The following FGF12 variants were observed in gnomAD, a reference collection of about 807,000 sequenced individuals.
The protein encoded by FGF12 is fibroblast growth factor 12.
In FGF12, 14 loss-of-function variants were observed where a neutral mutation model predicts 23.6. That is an observed-to-expected ratio of 0.59 (90% confidence interval 0.39 to 0.93). The LOEUF (loss-of-function observed/expected upper bound fraction) is 0.93, where lower values mean the gene tolerates loss of function less well. Ranked by LOEUF, FGF12 falls within the 40% of genes least tolerant of loss-of-function variation. FGF12 has a pLI of 0.00. For missense variants in FGF12, 175 were observed against 217.8 expected, an observed-to-expected ratio of 0.80 and a Z score of 1.24; for synonymous variants, 62 against 77.3, an observed-to-expected ratio of 0.80 and a Z score of 1.04.
chr3:192,332,431 A>G (rs1405866816), intron 4 of FGF12, among the ~76,000 whole-genome samples: 1 of 152,122 alleles, frequency 6.6e-6, no homozygotes, highest in Admixed American at 6.6e-5. Context: ...GAAATTTAAA[A>G]AAATACAAAC....
At chr3:192,420,874 T>A (rs1483955707) in intron 2 of FGF12, among the ~76,000 whole-genome samples, 1 of 152,190 alleles carries the variant, frequency 6.6e-6, no homozygotes, top group Non-Finnish European at 1.5e-5. Context: ...GCTCATCATA[T>A]AGTATCTTTG....
chr3:192,569,779 G>C (rs1016684881), intron 2 of FGF12, among the ~76,000 whole-genome samples: 1 of 152,166 alleles, frequency 6.6e-6, no homozygotes, highest in Non-Finnish European at 1.5e-5. Flanking sequence ...ATTGAGAAAC[G>C]CATGTGCCAT....
intron 4 of FGF12, among the ~76,000 whole-genome samples, chr3:192,234,311 G>C (rs530398264): frequency 5.9e-4 from 90 of 152,130 alleles, no homozygotes; most frequent in Non-Finnish European, 9.4e-4. Flanking sequence ...TCCTTTTGTG[G>C]CTATTGTGAA....
intron 2 of FGF12, chr3:192,673,263 C>T (rs1000470657): frequency 6.6e-6 from 1 of 150,898 alleles, no homozygotes; most frequent in Non-Finnish European, 1.5e-5. Flanking sequence ...ACAAAGAGGC[C>T]TGTGGTGCTG....
intron 2 of FGF12, among the ~76,000 whole-genome samples, chr3:192,627,124 C>A (rs187391659): frequency 6.6e-6 from 1 of 152,164 alleles, no homozygotes; most frequent in African/African-American, 2.4e-5. Context: ...TATTCCTTTG[C>A]ACAGATAACA....
At chr3:192,325,423 T>C (rs1452467131) in intron 4 of FGF12, among the ~76,000 whole-genome samples, 2 of 152,188 alleles carry the variant, frequency 1.3e-5, no homozygotes, top group Admixed American at 6.5e-5. Context: ...CTTTGACTTT[T>C]CTCTATTTAG....
rs376676878 is a variant in FGF12 at position 192,322,752 on chromosome 3, G to A, written c.228+12609C>T. Among the ~76,000 whole-genome samples, 40 of 152,210 alleles carry A rather than the reference G, an allele frequency of 2.6e-4. No homozygotes were observed. The East Asian group carries it at 6.0e-3, about 23-fold the overall frequency. On this transcript the variant is annotated intron_variant, in intron 4 of 5. Transcript: ENST00000445105. Reference sequence around the variant, plus strand: ...TTTCCAAGAACATACATTGGGGAAAGGAGTCTCTTTGATAAATGGTGCTTG... The same window carrying A: ...TTTCCAAGAACATACATTGGGGAAAAGAGTCTCTTTGATAAATGGTGCTTG...
intron 5 of FGF12, among the ~76,000 whole-genome samples, chr3:192,148,623 A>G (rs1713857934): frequency 2.0e-5 from 3 of 152,178 alleles, no homozygotes. Flanking sequence ...ATATTTTACC[A>G]CAATTAAAAA....
At chr3:192,340,860 GA>G (rs1262240503) in intron 3 of FGF12, among the ~76,000 whole-genome samples, 2 of 151,802 alleles carry the variant, frequency 1.3e-5, no homozygotes, top group Admixed American at 6.6e-5. Flanking sequence ...AAACCCATAG[GA>G]AAAAAACATA....
At chr3:192,187,348 A>G (rs966086866) in intron 4 of FGF12, among the ~76,000 whole-genome samples, 11 of 152,184 alleles carry the variant, frequency 7.2e-5, no homozygotes, top group African/African-American at 2.7e-4. Flanking sequence ...GTAAAACCAT[A>G]AGCATATTTT....
rs114788548 is a variant in FGF12, at chr3:192,247,319, A to G, written c.229-76663T>C. ...CACTGAAGAGTTGTTTCGTCACTGTAGAGTATCAAATTGGTGAGTAATTTT... is the reference window on the plus strand; with the variant it reads ...CACTGAAGAGTTGTTTCGTCACTGTGGAGTATCAAATTGGTGAGTAATTTT... On this transcript the variant is annotated intron_variant, in intron 4 of 5. Coordinates refer to ENST00000445105, the MANE Select transcript of FGF12 (RefSeq NM_004113.6). Among the ~76,000 whole-genome samples the G allele has an allele frequency of 8.8e-4, 134 of 152,302 alleles. 2 individuals are homozygous for G. The highest frequency in any genetic ancestry group is 3.1e-3 in the African/African-American group (129 of 41,576).
At chr3:192,485,102 A>T (rs1723597012) in intron 2 of FGF12, among the ~76,000 whole-genome samples, 1 of 152,088 alleles carries the variant, frequency 6.6e-6, no homozygotes, top group East Asian at 1.9e-4. Flanking sequence ...ATATGTATAC[A>T]CATAAACATC....
rs925401769 is a variant in FGF12 at position 192,336,460 on chromosome 3, C to T, written c.125-996G>A. Reference sequence around the variant, plus strand: ...GTTACTTTTGAGATCACGAAATGAGCATAAACAGAAAACACTGCCCCCACC... The same window carrying T: ...GTTACTTTTGAGATCACGAAATGAGTATAAACAGAAAACACTGCCCCCACC... On this transcript the variant is annotated intron_variant, in intron 3 of 5. Transcript: ENST00000445105. The surrounding 1 kb of genome is among the most constrained non-coding windows in gnomAD (Gnocchi z 4.3). 1.8e-4 allele frequency among the ~76,000 whole-genome samples: 28 copies of T among 152,048 alleles called. No individual in the cohort carries two copies. Among genetic ancestry groups the T allele is most frequent in the African/African-American group, 6.3e-4 (26 of 41,410 alleles).
intron 4 of FGF12, among the ~76,000 whole-genome samples, chr3:192,246,223 T>C (rs1040568814): frequency 2.6e-5 from 4 of 152,094 alleles, no homozygotes; most frequent in Admixed American, 2.6e-4. Context: ...TGATTACATA[T>C]TTAGTATGAG....
chr3:192,205,137 A>G (rs369956278), intron 4 of FGF12, among the ~76,000 whole-genome samples: 37 of 151,706 alleles, frequency 2.4e-4, no homozygotes, highest in African/African-American at 8.0e-4. Context: ...CAGCCATTAG[A>G]AAAAAAAAGA....
intron 2 of FGF12, among the ~76,000 whole-genome samples, chr3:192,440,062 G>A (rs147612305): frequency 6.6e-6 from 1 of 152,104 alleles, no homozygotes; most frequent in African/African-American, 2.4e-5. Flanking sequence ...AGGTCCAGGG[G>A]CTGAGTGGAG....
intron 4 of FGF12, among the ~76,000 whole-genome samples, chr3:192,192,807 A>G (rs1364773050): frequency 2.0e-5 from 3 of 152,158 alleles, no homozygotes; most frequent in Non-Finnish European, 4.4e-5. Flanking sequence ...GTTATTTTTT[A>G]TTCATATAAT....
chr3:192,425,591 T>A (rs1721666490), intron 2 of FGF12, among the ~76,000 whole-genome samples: 1 of 152,190 alleles, frequency 6.6e-6, no homozygotes, highest in South Asian at 2.1e-4. Flanking sequence ...AATAAATGAA[T>A]GAACAGTGTT....
At chr3:192,297,345 T>G (rs1190124697) in intron 4 of FGF12, among the ~76,000 whole-genome samples, 2 of 152,196 alleles carry the variant, frequency 1.3e-5, no homozygotes, top group Non-Finnish European at 2.9e-5. Context: ...AAAAGTATAC[T>G]GTTTGGTAAT....
Sources: allele counts gnomAD v4.1 joint callset (sites outside exome capture counted in the v4.1 genomes callset), GRCh38; gene constraint gnomAD v4.1.1; non-coding constraint Gnocchi (gnomAD v3.1); transcripts MANE v1.5; gene names NCBI Gene and HGNC (gene_info 2026-07-23, HGNC 2026-07-21).